Variants in DPH6 observed in about 807,000 individuals in gnomAD.
The protein encoded by DPH6 is diphthamine biosynthesis 6.
In DPH6, 33 loss-of-function variants were observed where a neutral mutation model predicts 38.2. The ratio of observed to expected loss-of-function variants is 0.86; its 90% confidence interval spans 0.65 to 1.15. The LOEUF (loss-of-function observed/expected upper bound fraction) is 1.15. DPH6 is among the 50% of genes most tolerant of loss of function. DPH6 has a pLI of 0.00. For missense variants in DPH6, 325 were observed against 320.0 expected (o/e 1.02, Z -0.12); for synonymous variants, 108 against 103.0 (o/e 1.05, Z -0.30).
downstream of DPH6, among the ~76,000 whole-genome samples, chr15:35,366,228 T>TGTG: frequency 6.9e-6 from 1 of 144,262 alleles, no homozygotes; most frequent in African/African-American, 2.6e-5. Context: ...TTTAGTCATC[T>TGTG]TGTGTGTGTG....
chr15:35,324,406 A>T (rs1050615885), intron 3 of DPH6, among the ~76,000 whole-genome samples: 1 of 152,210 alleles, frequency 6.6e-6, no homozygotes, highest in African/African-American at 2.4e-5. Context: ...CAAAAATAAG[A>T]TGAAGAATAT....
chr15:35,219,898 T>G (rs1048098220), exon 4 of DPH6: 1 of 152,192 alleles, frequency 6.6e-6, no homozygotes, highest in African/African-American at 2.4e-5. Flanking sequence ...TTTCATAATT[T>G]AGATAAGTAA....
the DPH6 span, among the ~76,000 whole-genome samples, chr15:35,145,091 A>G: frequency 2.0e-5 from 3 of 152,156 alleles, no homozygotes; most frequent in South Asian, 6.2e-4. Flanking sequence ...TTTCTTCTCT[A>G]GATTATTGAT....
chr15:35,369,621 G>GA (rs4041272), downstream of DPH6, among the ~76,000 whole-genome samples: 1,750 of 130,288 alleles, frequency 0.013, 24 homozygotes, highest in African/African-American at 0.038. Flanking sequence ...CCTGTTATAT[G>GA]AAAAAAAAAA....
chr15:35,299,441 C>A (rs2052038994), intron 3 of DPH6: 3 of 780,770 alleles, frequency 3.8e-6, no homozygotes, highest in Non-Finnish European at 7.1e-6. Flanking sequence ...ACAGGGACAT[C>A]TTTTCTTCGG....
chr15:35,225,602 T>C (rs1344614795), intron 3 of DPH6, among the ~76,000 whole-genome samples: 1 of 152,212 alleles, frequency 6.6e-6, no homozygotes, highest in Non-Finnish European at 1.5e-5. Context: ...CACTATAACA[T>C]ACTTCAGGCT....
At chr15:35,489,806 GTTTTA>G (rs2054453023) in intron 3 of DPH6, 12 of 980,344 alleles carry the variant, frequency 1.2e-5, no homozygotes, top group Non-Finnish European at 1.5e-5. Context: ...TTCATGTGCC[GTTTTA>G]TTTGTCTAAT....
At chr15:35,457,954 C>T (rs559585619) in intron 3 of DPH6, among the ~76,000 whole-genome samples, 3 of 152,230 alleles carry the variant, frequency 2.0e-5, no homozygotes, top group South Asian at 4.1e-4. Context: ...AAATCCCCCT[C>T]AAATCAAAAT....
intron 6 of DPH6, among the ~76,000 whole-genome samples, chr15:35,390,192 G>A (rs372898149): frequency 2.0e-5 from 3 of 152,172 alleles, no homozygotes; most frequent in South Asian, 4.1e-4. Flanking sequence ...CTGGCTTGTA[G>A]AATTCTGTCG....
At chr15:35,476,966 A>G (rs2054271252) in intron 3 of DPH6, among the ~76,000 whole-genome samples, 1 of 151,704 alleles carries the variant, frequency 6.6e-6, no homozygotes, top group Non-Finnish European at 1.5e-5. Flanking sequence ...AATGAACACA[A>G]CATGAGACTT....
the DPH6 span, among the ~76,000 whole-genome samples, chr15:35,167,469 G>T: frequency 1.3e-5 from 2 of 150,706 alleles, no homozygotes; most frequent in African/African-American, 4.9e-5. Flanking sequence ...AAAAAGAACC[G>T]CATTCATAGA....
intron 3 of DPH6, among the ~76,000 whole-genome samples, chr15:35,265,689 T>A (rs1056585758): frequency 1.3e-5 from 2 of 152,240 alleles, no homozygotes; most frequent in Non-Finnish European, 2.9e-5. Flanking sequence ...ACACAGTCAC[T>A]AATCCCCATA....
intron 3 of DPH6, among the ~76,000 whole-genome samples, chr15:35,473,598 T>C (rs974288212): frequency 1.2e-4 from 19 of 152,144 alleles, no homozygotes; most frequent in African/African-American, 4.6e-4. Context: ...TATACCAATA[T>C]GTGTACCTGG....
chr15:35,206,913 T>C, the DPH6 span, among the ~76,000 whole-genome samples: 1 of 152,094 alleles, frequency 6.6e-6, no homozygotes, highest in African/African-American at 2.4e-5. Flanking sequence ...TTGATTACTC[T>C]GATGAATGAG....
intron 3 of DPH6, among the ~76,000 whole-genome samples, chr15:35,357,040 C>T (rs2052567316): frequency 6.6e-6 from 1 of 152,192 alleles, no homozygotes. Context: ...GACTGCTGTG[C>T]TAGCAATGAG....
At chr15:35,304,076 T>C (rs2052071925) in intron 3 of DPH6, among the ~76,000 whole-genome samples, 1 of 152,094 alleles carries the variant, frequency 6.6e-6, no homozygotes, top group Non-Finnish European at 1.5e-5. Context: ...ATGACAAATA[T>C]TTTGGCTGAA....
intron 3 of DPH6, among the ~76,000 whole-genome samples, chr15:35,510,785 A>G (rs556119738): frequency 7.2e-5 from 11 of 152,232 alleles, no homozygotes; most frequent in Non-Finnish European, 1.3e-4. Flanking sequence ...TAGGGAAGCT[A>G]TATGTGAGAC....
intron 3 of DPH6, among the ~76,000 whole-genome samples, chr15:35,344,539 C>T (rs552168818): frequency 6.6e-6 from 1 of 151,780 alleles, no homozygotes; most frequent in Non-Finnish European, 1.5e-5. Context: ...ATGCTAGATT[C>T]CAAAAGGATT....
intron 6 of DPH6, among the ~76,000 whole-genome samples, chr15:35,387,440 C>T (rs191815914): frequency 2.7e-3 from 410 of 152,250 alleles, no homozygotes; most frequent in Non-Finnish European, 4.1e-3. Flanking sequence ...GGCAGTATGG[C>T]CATTTTCACG....
Sources: allele counts gnomAD v4.1 joint callset (sites outside exome capture counted in the v4.1 genomes callset), GRCh38; gene constraint gnomAD v4.1.1; transcripts MANE v1.5; gene names NCBI Gene and HGNC (gene_info 2026-07-23, HGNC 2026-07-21).